HSD17B12: variants seen among roughly 807,000 people sequenced by gnomAD.
HSD17B12 encodes hydroxysteroid 17-beta dehydrogenase 12.
HSD17B12 carries 32 observed loss-of-function variants against 39.3 expected under a neutral mutation model. That is an observed-to-expected ratio of 0.81 (90% CI 0.61 to 1.09). The LOEUF is 1.09. Ranked by LOEUF, HSD17B12 falls within the 50% of genes least tolerant of loss-of-function variation. HSD17B12 has a pLI of 0.00. For synonymous variants in HSD17B12, 150 were observed against 146.7 expected (o/e 1.02, Z -0.16); for missense variants, 342 against 382.9 (o/e 0.89, Z 0.89).
chr11:43,724,436 A>G (rs1057222225), intron 1 of HSD17B12, among the ~76,000 whole-genome samples: 1 of 151,962 alleles, frequency 6.6e-6, no homozygotes, highest in Non-Finnish European at 1.5e-5. Flanking sequence ...TTGTTAGGAG[A>G]CTGTTTTAAC....
chr11:43,558,821 AG>A, the HSD17B12 span, among the ~76,000 whole-genome samples: 1 of 152,122 alleles, frequency 6.6e-6, no homozygotes, highest in East Asian at 1.9e-4. Flanking sequence ...CGTTTTCAGC[AG>A]GGAAGTAGGA....
At chr11:43,656,766 C>T in the HSD17B12 span, among the ~76,000 whole-genome samples, 4 of 152,222 alleles carry the variant, frequency 2.6e-5, no homozygotes, top group Admixed American at 6.5e-5. Context: ...GTCTGAGAGA[C>T]AGTTTGTTAT....
the HSD17B12 span, among the ~76,000 whole-genome samples, chr11:43,582,346 G>T: frequency 5.3e-4 from 80 of 152,290 alleles, no homozygotes; most frequent in African/African-American, 1.9e-3. Context: ...CAAAGCTGCA[G>T]GAGAGGGGAG....
At chr11:43,642,008 G>A in the HSD17B12 span, among the ~76,000 whole-genome samples, 1 of 151,832 alleles carries the variant, frequency 6.6e-6, no homozygotes, top group South Asian at 2.1e-4. Flanking sequence ...AGATTGCAAT[G>A]TTTGTCTTCT....
chr11:43,734,702 G>C (rs1950300666), intron 1 of HSD17B12: 2 of 245,478 alleles, frequency 8.1e-6, no homozygotes, highest in Non-Finnish European at 1.6e-5. Flanking sequence ...AGGAAATAAA[G>C]GTAAAATCAC....
the HSD17B12 span, among the ~76,000 whole-genome samples, chr11:43,621,486 G>T: frequency 6.6e-6 from 1 of 152,104 alleles, no homozygotes; most frequent in African/African-American, 2.4e-5. Context: ...AGGCCGAGGT[G>T]GGAGGATCAC....
intron 1 of HSD17B12, among the ~76,000 whole-genome samples, chr11:43,691,343 C>T (rs1264014318): frequency 6.6e-6 from 1 of 152,150 alleles, no homozygotes; most frequent in Non-Finnish European, 1.5e-5. Flanking sequence ...TAGAAAGTTT[C>T]TTAATTGTTT....
At chr11:43,715,608 A>C (rs1309370815) in intron 1 of HSD17B12, among the ~76,000 whole-genome samples, 2 of 152,116 alleles carry the variant, frequency 1.3e-5, no homozygotes, top group East Asian at 1.9e-4. Flanking sequence ...TGTCTCTGCC[A>C]GGCTTTGGTA....
chr11:43,757,645 A>AC lies in HSD17B12; in HGVS notation c.283+3524_283+3525insC, dbSNP rs1338330478. On this transcript the variant is annotated intron_variant, in intron 3 of 10. Coordinates refer to ENST00000278353, the MANE Select transcript of HSD17B12 (RefSeq NM_016142.3). ...ACAGAGCGAGACTCCGTCTCAAAAAAAAAAAAAAAAAAAAAAAAAAAACAA... is the reference window on the plus strand; with the variant it reads ...ACAGAGCGAGACTCCGTCTCAAAAAACAAAAAAAAAAAAAAAAAAAAAACAA... Among the ~76,000 whole-genome samples, 11 of 137,260 alleles carry AC rather than the reference A, an allele frequency of 8.0e-5. 1 individual carries two copies. The highest frequency in any genetic ancestry group is 2.9e-4 in the African/African-American group (10 of 34,834). The allele number at this position is 137,260 out of a possible 152,430, so 90.0% of individuals were successfully genotyped here. A position where few individuals can be genotyped will look rare whatever the true frequency, so the allele number is the denominator to read the frequency against.
chr11:43,853,678 A>T (rs1951555007), intron 9 of HSD17B12: 1 of 152,050 alleles, frequency 6.6e-6, no homozygotes, highest in Non-Finnish European at 1.5e-5. Context: ...GGTTCCAACT[A>T]CTCAGAAGGC....
the HSD17B12 span, among the ~76,000 whole-genome samples, chr11:43,620,840 A>G: frequency 6.6e-6 from 1 of 152,218 alleles, no homozygotes; most frequent in South Asian, 2.1e-4. Flanking sequence ...CTTAAGTTAT[A>G]AAGACATCTG....
chr11:43,764,962 G>A (rs1172343262), intron 3 of HSD17B12, among the ~76,000 whole-genome samples: 1 of 151,268 alleles, frequency 6.6e-6, no homozygotes, highest in Non-Finnish European at 1.5e-5. Context: ...TATTTATTCT[G>A]TCTGTTCTTT....
Position 43,831,080 on chromosome 11 carries a change from C to A in HSD17B12, c.536+70C>A. 1.4e-6 allele frequency: 2 copies of A among 1,427,734 alleles called. No individual in the cohort carries two copies. The highest frequency in any genetic ancestry group is 9.6e-7 in the Non-Finnish European group (1 of 1,036,930). 88.4% of individuals were successfully genotyped at this position (1,427,734 alleles called of 1,614,324 possible). A position where few individuals can be genotyped will look rare whatever the true frequency, so the allele number is the denominator to read the frequency against. On this transcript the variant is annotated intron_variant, in intron 7 of 10. Transcript: ENST00000278353. The surrounding 1 kb of genome is among the most constrained non-coding windows in gnomAD (Gnocchi z 4.1). ...TGATTATTTAGAGGGAGAATCCTTG[C>A]TTTGAAAAAATCACTGAAGTGACTA...
At chr11:43,623,611 C>G in the HSD17B12 span, among the ~76,000 whole-genome samples, 4 of 151,756 alleles carry the variant, frequency 2.6e-5, no homozygotes, top group African/African-American at 7.3e-5. Flanking sequence ...TTTAAAAGCT[C>G]CAAAACATTT....
chr11:43,836,346 T>C (rs1358181616), intron 7 of HSD17B12, among the ~76,000 whole-genome samples: 2 of 152,216 alleles, frequency 1.3e-5, no homozygotes, highest in Non-Finnish European at 2.9e-5. Context: ...ATGCTTAGGA[T>C]GCAGGAGAAG....
At chr11:43,776,524 T>G (rs1297110817) in intron 3 of HSD17B12, among the ~76,000 whole-genome samples, 10 of 152,148 alleles carry the variant, frequency 6.6e-5, no homozygotes, top group Non-Finnish European at 7.4e-5. Context: ...CAGATGAGTA[T>G]GTTGCGAAAA....
chr11:43,800,509 TG>T (rs11362243), intron 4 of HSD17B12, among the ~76,000 whole-genome samples: 42,014 of 152,038 alleles, frequency 0.28, 6,058 homozygotes, highest in Middle Eastern at 0.4. Context: ...GCTGGAGGAT[TG>T]TACAAGGCAC....
At chr11:43,815,561 G>T in intron 5 of HSD17B12, 60 bp downstream of exon 5, 1 of 1,038,590 alleles carries the variant, frequency 9.6e-7, no homozygotes, top group South Asian at 1.6e-5. Context: ...TTGGTATAAT[G>T]ATTCACACTA....
At chr11:43,712,784 A>G (rs771607261) in intron 1 of HSD17B12, among the ~76,000 whole-genome samples, 16 of 152,164 alleles carry the variant, frequency 1.1e-4, no homozygotes, top group Admixed American at 2.0e-4. Context: ...TGAGTTCACA[A>G]CGTTTACAAA....
Sources: gnomAD v4.1 joint callset for allele counts (sites outside exome capture counted in the v4.1 genomes callset) on GRCh38, gnomAD v4.1.1 for gene constraint, Gnocchi (gnomAD v3.1) non-coding constraint, MANE v1.5 for transcripts, NCBI Gene and HGNC (gene_info 2026-07-23, HGNC 2026-07-21) for gene names.